CACNA2D1: variants seen among roughly 807,000 people sequenced by gnomAD.
CACNA2D1 encodes voltage-dependent calcium channel subunit alpha-2/delta-1.
A neutral mutation model predicts 171.5 loss-of-function variants in CACNA2D1; 53 were observed. The ratio of observed to expected loss-of-function variants is 0.31; its 90% CI spans 0.25 to 0.39. The LOEUF (loss-of-function observed/expected upper bound fraction) is 0.39. Ranked by LOEUF, CACNA2D1 falls within the 10% of genes least tolerant of loss-of-function variation. The pLI is 1.00. For synonymous variants in CACNA2D1, 442 were observed against 443.1 expected, an observed-to-expected ratio of 1.00 and a Z score of 0.03; for missense variants, 903 against 1,299.8, an observed-to-expected ratio of 0.69 and a Z score of 4.69.
At chr7:82,196,426 G>C (rs1179717090) in intron 3 of CACNA2D1, among the ~76,000 whole-genome samples, 2 of 152,080 alleles carry the variant, frequency 1.3e-5, no homozygotes, top group African/African-American at 4.8e-5. Context: ...GGGGATTCCT[G>C]TTGGATAGCT....
intron 3 of CACNA2D1, among the ~76,000 whole-genome samples, chr7:82,235,484 C>A (rs972814742): frequency 2.6e-5 from 4 of 152,122 alleles, no homozygotes. Context: ...ATCCAATGAT[C>A]CTTTTAAATT....
At chr7:82,296,123 G>C (rs1203933515) in intron 3 of CACNA2D1, among the ~76,000 whole-genome samples, 2 of 151,776 alleles carry the variant, frequency 1.3e-5, no homozygotes, top group African/African-American at 2.4e-5. Flanking sequence ...GTGGGGGAAG[G>C]GGGGAGGGAT....
intron 26 of CACNA2D1, 53 bp from the exon 27 acceptor site, chr7:81,970,790 CA>C (rs1795186861): frequency 8.6e-6 from 9 of 1,050,624 alleles, no homozygotes; most frequent in Non-Finnish European, 1.3e-5. Flanking sequence ...TTCTAAAAAA[CA>C]AAGTTAGGTG....
intron 10 of CACNA2D1, among the ~76,000 whole-genome samples, chr7:82,042,528 T>C (rs990041522): frequency 2.6e-5 from 4 of 152,164 alleles, no homozygotes; most frequent in African/African-American, 4.8e-5. Context: ...CATTGATTCC[T>C]TTTCCAATCC....
At chr7:82,146,502 A>T (rs4732428) in intron 4 of CACNA2D1, among the ~76,000 whole-genome samples, 1 of 119,844 alleles carries the variant, frequency 8.3e-6, no homozygotes. Flanking sequence ...ATTTATATAT[A>T]TATAAAGATA....
chr7:82,216,265 G>A (rs1801087200), intron 3 of CACNA2D1, among the ~76,000 whole-genome samples: 1 of 152,112 alleles, frequency 6.6e-6, no homozygotes. Flanking sequence ...CCAATGGAGA[G>A]CTCATAAGAA....
At chr7:82,138,431 G>C (rs10085541) in intron 4 of CACNA2D1, among the ~76,000 whole-genome samples, 1 of 74,108 alleles carries the variant, frequency 1.3e-5, no homozygotes, top group Non-Finnish European at 2.6e-5. Context: ...CATTAGTTTT[G>C]TTTTTTTTGT....
intron 3 of CACNA2D1, among the ~76,000 whole-genome samples, chr7:82,242,218 A>G (rs1352380610): frequency 2.6e-5 from 4 of 152,310 alleles, no homozygotes; most frequent in Admixed American, 6.5e-5. Flanking sequence ...TAAGAACCGT[A>G]TAAGGGAGCG....
At chr7:82,346,078 A>C (rs1361668956) in intron 2 of CACNA2D1, among the ~76,000 whole-genome samples, 1 of 152,102 alleles carries the variant, frequency 6.6e-6, no homozygotes, top group Non-Finnish European at 1.5e-5. Flanking sequence ...AAATGACTGG[A>C]TATCTTCTCT....
intron 6 of CACNA2D1, among the ~76,000 whole-genome samples, chr7:82,085,338 TCACTCCTGCTTGAG>T (rs965506804): frequency 3.3e-5 from 5 of 151,960 alleles, no homozygotes; most frequent in African/African-American, 9.7e-5. Flanking sequence ...GCGGGCAAAA[TCACTCCTGCTTGAG>T]AACTACTGTG....
chr7:81,951,998 A>G (rs1245926049), intron 38 of CACNA2D1, among the ~76,000 whole-genome samples: 1 of 71,796 alleles, frequency 1.4e-5, no homozygotes, highest in Non-Finnish European at 2.7e-5. Flanking sequence ...TTTTAACCAC[A>G]TCCATTATTT....
chr7:82,440,468 C>G (rs887447159), intron 1 of CACNA2D1, among the ~76,000 whole-genome samples: 1 of 151,832 alleles, frequency 6.6e-6, no homozygotes, highest in Non-Finnish European at 1.5e-5. Flanking sequence ...ACGACATGTG[C>G]ATACTATAGC....
intron 1 of CACNA2D1, among the ~76,000 whole-genome samples, chr7:82,354,154 T>G (rs2129446436): frequency 6.6e-6 from 1 of 152,332 alleles, no homozygotes; most frequent in South Asian, 2.1e-4. Flanking sequence ...CCAGTCATAC[T>G]TCTGCAATAC....
At chr7:82,136,101 G>C (rs535705036) in intron 5 of CACNA2D1, among the ~76,000 whole-genome samples, 1 of 152,114 alleles carries the variant, frequency 6.6e-6, no homozygotes. Flanking sequence ...ATGTTTTCAA[G>C]TCATTTAAAT....
intron 3 of CACNA2D1, among the ~76,000 whole-genome samples, chr7:82,315,789 A>G (rs1563355482): frequency 6.6e-6 from 1 of 152,182 alleles, no homozygotes; most frequent in Admixed American, 6.5e-5. Flanking sequence ...GTATTTCACC[A>G]CACAACCAAT....
chr7:82,121,409 A>C (rs1789718435), intron 5 of CACNA2D1, among the ~76,000 whole-genome samples: 1 of 152,168 alleles, frequency 6.6e-6, no homozygotes, highest in Admixed American at 6.5e-5. Flanking sequence ...TGAAGACTCA[A>C]CAGAATTGCA....
intron 2 of CACNA2D1, among the ~76,000 whole-genome samples, chr7:82,338,013 C>A (rs922561789): frequency 4.6e-5 from 7 of 152,066 alleles, no homozygotes; most frequent in Non-Finnish European, 7.4e-5. Context: ...GCCAAAAAAA[C>A]CATAATCTAT....
chr7:82,136,861 T>C (rs1584879373), intron 4 of CACNA2D1, among the ~76,000 whole-genome samples, 185 bp from the exon 5 acceptor site: 2 of 152,292 alleles, frequency 1.3e-5, no homozygotes, highest in Admixed American at 1.3e-4. Context: ...TTATCAGTGA[T>C]ATTACATCTT....
At chr7:81,986,849 G>A (rs1441406517) in intron 21 of CACNA2D1, among the ~76,000 whole-genome samples, 1 of 152,152 alleles carries the variant, frequency 6.6e-6, no homozygotes, top group Non-Finnish European at 1.5e-5. Context: ...TGATTCACTT[G>A]CCATTTACAA....
Sources: gnomAD v4.1 joint callset for allele counts (sites outside exome capture counted in the v4.1 genomes callset) on GRCh38, gnomAD v4.1.1 for gene constraint, MANE v1.5 for transcripts, NCBI Gene and HGNC (gene_info 2026-07-23, HGNC 2026-07-21) for gene names.